The following HERC2 variants were observed in gnomAD, a reference collection of about 807,000 sequenced individuals.
The protein encoded by HERC2 is E3 ubiquitin-protein ligase HERC2.
A neutral mutation model predicts 537.7 loss-of-function variants in HERC2; 102 were observed. The observed-to-expected ratio is 0.19, with a 90% CI of 0.16 to 0.22. The LOEUF (loss-of-function observed/expected upper bound fraction) is 0.22, where lower values mean the gene tolerates loss of function less well. HERC2 is among the 10% of genes least tolerant of loss of function. The probability of loss-of-function intolerance (pLI) is 1.00; values close to 1 mark genes in which losing one functional copy is unlikely to be tolerated. For synonymous variants in HERC2, 2,224 were observed against 2,466.2 expected (o/e 0.90, Z 2.91); for missense variants, 4,236 against 6,198.2 (o/e 0.68, Z 10.63).
At position 28,147,051 on chromosome 15, in the gene HERC2, G is replaced by A. The variant is rs1459260806; in HGVS notation, c.10901-707C>T. Among the ~76,000 whole-genome samples the A allele has an allele frequency of 2.1e-5, 3 of 142,588 alleles. No individual in the cohort carries two copies. In the East Asian group the frequency reaches 5.9e-4, roughly 28 times the overall value. 93.5% of individuals were successfully genotyped at this position (142,588 alleles called of 152,430 possible). A position where few individuals can be genotyped will look rare whatever the true frequency, so the allele number is the denominator to read the frequency against. On this transcript the variant is annotated intron_variant, in intron 70 of 92. Transcript: ENST00000261609. ...GGGGGGCCGCAGGAGGTGGGGAGTGGAAGCAGGAACACAGGGAGGCAGCTA... is the reference window on the plus strand; with the variant it reads ...GGGGGGCCGCAGGAGGTGGGGAGTGAAAGCAGGAACACAGGGAGGCAGCTA...
chr15:28,174,676 T>C lies in HERC2; in HGVS notation c.9832-56A>G, dbSNP rs190352521. 53 of 1,248,484 alleles carry C rather than the reference T, an allele frequency of 4.2e-5. No homozygotes were observed. The African/African-American group carries it at 7.3e-4, about 17-fold the overall frequency. 77.3% of individuals were successfully genotyped at this position (1,248,484 alleles called of 1,614,324 possible). On this transcript the variant is annotated intron_variant, in intron 64 of 92. Coordinates refer to ENST00000261609, the MANE Select transcript of HERC2 (RefSeq NM_004667.6). ...TTTCAACATTTCAGGACATTTTCTT[T>C]AATGTAATTTTTACTTCAAAATGCT...
At chr15:28,306,730 T>C (rs1437883331) in intron 2 of HERC2, among the ~76,000 whole-genome samples, 3 of 152,246 alleles carry the variant, frequency 2.0e-5, no homozygotes, top group Non-Finnish European at 4.4e-5. Flanking sequence ...GACTTTTTAT[T>C]ATTACAGTTT....
chr15:28,292,733 T>A (rs906227406), intron 4 of HERC2, among the ~76,000 whole-genome samples, 155 bp downstream of exon 4: 14 of 152,166 alleles, frequency 9.2e-5, no homozygotes, highest in Admixed American at 3.3e-4. Context: ...GTTAAAACGG[T>A]AAGTTTTATG....
chr15:28,131,973 G>A (rs535106074), intron 81 of HERC2, 127 bp downstream of exon 81: 4 of 714,242 alleles, frequency 5.6e-6, no homozygotes, highest in East Asian at 2.9e-5. Flanking sequence ...GGAGGTTAAA[G>A]TGCTCCTAAG....
chr15:28,275,953 G>A (rs1170179664), intron 5 of HERC2, among the ~76,000 whole-genome samples: 6 of 151,830 alleles, frequency 4.0e-5, no homozygotes, highest in South Asian at 2.1e-4. Flanking sequence ...ATGATCAGGG[G>A]AAATCCTATA....
rs1040250227 is a variant in HERC2 at position 28,113,325 on chromosome 15, C to G, written c.14020-42G>C. 1 of 1,586,762 alleles carries G rather than the reference C, an allele frequency of 6.3e-7. No individual in the cohort carries two copies. The highest frequency in any genetic ancestry group is 8.6e-7 in the Non-Finnish European group (1 of 1,156,218). On this transcript the variant is annotated intron_variant, in intron 91 of 92. Transcript: ENST00000261609. This position sits in a 1 kb window ranked among gnomAD's most constrained non-coding sequence, Gnocchi z 7.0. Reference sequence around the variant, plus strand: ...GTCAGGGCCGCGTGATGCTTCCCACCCTGGCATTTCCGCAAGACTCCGTCA... The same window carrying G: ...GTCAGGGCCGCGTGATGCTTCCCACGCTGGCATTTCCGCAAGACTCCGTCA...
Position 28,177,513 on chromosome 15 carries a change from CA to C in HERC2, c.9164-5del. 2 of 1,614,032 alleles carry C rather than the reference CA, an allele frequency of 1.2e-6. No individual in the cohort carries two copies. The highest frequency in any genetic ancestry group is 1.7e-6 in the Non-Finnish European group (2 of 1,179,898). ...AAAGCCGTCGCGTGCCGGCCACCTGCAACATTCACAGACACACGGATTGCCA... is the reference window on the plus strand; with the variant it reads ...AAAGCCGTCGCGTGCCGGCCACCTGCACATTCACAGACACACGGATTGCCA... On this transcript the variant is annotated splice_polypyrimidine_tract_variant and splice_region_variant and intron_variant, in intron 59 of 92. Transcript: ENST00000261609. The surrounding 1 kb of genome is among the most constrained non-coding windows in gnomAD (Gnocchi z 5.0).
intron 26 of HERC2, among the ~76,000 whole-genome samples, chr15:28,236,446 A>C (rs1902467312): frequency 1.3e-5 from 2 of 151,574 alleles, no homozygotes; most frequent in Non-Finnish European, 2.9e-5. Context: ...ACCCGTCACC[A>C]CGCCCAGCTA....
chr15:28,283,807 T>C (rs1201025988), intron 4 of HERC2, among the ~76,000 whole-genome samples: 1 of 152,234 alleles, frequency 6.6e-6, no homozygotes, highest in Non-Finnish European at 1.5e-5. Flanking sequence ...GTAGTTTCTA[T>C]ATCCCTGAAG....
At position 28,294,544 on chromosome 15, in the gene HERC2, TC is replaced by T. The variant is rs2141157933; in HGVS notation, c.188-1523del. On this transcript the variant is annotated intron_variant, in intron 3 of 92. Coordinates refer to ENST00000261609, the MANE Select transcript of HERC2 (RefSeq NM_004667.6). Reference sequence around the variant, plus strand: ...CCTCAAATAGCCTAACCACAAGGTCTCCCCTGAGCTCTGCTCTCACGGATAA... The same window carrying T: ...CCTCAAATAGCCTAACCACAAGGTCTCCCTGAGCTCTGCTCTCACGGATAA... Among the ~76,000 whole-genome samples the T allele has an allele frequency of 2.0e-5, 3 of 149,674 alleles. No individual in the cohort carries two copies. The South Asian group carries it at 6.5e-4, about 32-fold the overall frequency.
At chr15:28,157,247 T>C (rs1893100971) in intron 69 of HERC2, among the ~76,000 whole-genome samples, 1 of 152,214 alleles carries the variant, frequency 6.6e-6, no homozygotes, top group African/African-American at 2.4e-5. Flanking sequence ...ATCAGGATGG[T>C]GCTGGCCTCA....
chr15:28,176,910 T>C lies in HERC2; in HGVS notation c.9432+40A>G. 1 of 1,596,948 alleles carries C rather than the reference T, an allele frequency of 6.3e-7. No individual in the cohort carries two copies. ...CTTATTTTCTCTTGACATCTTCAGA[T>C]GGTAAGCTTTCTGCAAGCAACAAAA... On this transcript the variant is annotated intron_variant, in intron 61 of 92. Transcript: ENST00000261609. The surrounding 1 kb of genome is among the most constrained non-coding windows in gnomAD (Gnocchi z 5.0).
At chr15:28,197,822 G>A (rs1223190749) in intron 50 of HERC2, among the ~76,000 whole-genome samples, 1 of 152,198 alleles carries the variant, frequency 6.6e-6, no homozygotes, top group Non-Finnish European at 1.5e-5. Flanking sequence ...GACAGGACAA[G>A]TTTACAGAAC....
chr15:28,124,362 T>C (rs1026527196), intron 84 of HERC2, 128 bp from the exon 85 acceptor site: 1 of 529,164 alleles, frequency 1.9e-6, no homozygotes, highest in Admixed American at 4.2e-5. Context: ...CTGAGTTTGG[T>C]TTGCACAACC....
intron 86 of HERC2, chr15:28,118,429 G>C (rs1888518085): frequency 6.6e-6 from 1 of 152,238 alleles, no homozygotes; most frequent in South Asian, 2.1e-4. Flanking sequence ...TAGAAACACA[G>C]ATGATTTTAA....
Position 28,122,346 on chromosome 15 carries a change from AAT to A in HERC2, c.13189-919_13189-918del, listed in dbSNP as rs1331365388. Among the ~76,000 whole-genome samples, 1 of 152,208 alleles carries A rather than the reference AAT, an allele frequency of 6.6e-6. No homozygotes were observed. The highest frequency in any genetic ancestry group is 1.9e-4 in the East Asian group (1 of 5,182). On this transcript the variant is annotated intron_variant, in intron 85 of 92. Coordinates refer to ENST00000261609, the MANE Select transcript of HERC2 (RefSeq NM_004667.6). The surrounding 1 kb of genome is among the most constrained non-coding windows in gnomAD (Gnocchi z 4.1). Reference sequence around the variant, plus strand: ...TCTCAGCTCTCTTGGCCAAGGAGGCAATCGTGCCTTCTTTCGGTTAGGGGTGG... The same window carrying A: ...TCTCAGCTCTCTTGGCCAAGGAGGCACGTGCCTTCTTTCGGTTAGGGGTGG...
At position 28,246,897 on chromosome 15, in the gene HERC2, C is replaced by T. The variant is rs578225791; in HGVS notation, c.3236G>A (p.Ser1079Asn). The T allele has an allele frequency of 6.3e-7, 1 of 1,594,472 alleles. No homozygotes were observed. The highest frequency in any genetic ancestry group is 1.4e-5 in the African/African-American group (1 of 73,746). Residue 1079 changes from serine to asparagine, a missense_variant and splice_region_variant, in exon 22 of 93, where the codon AGT (serine) becomes AAT (asparagine). Physicochemically the swap from Ser to Asn is conservative, Grantham distance 46. This residue lies in a region of HERC2 where 754 missense variants were observed against 1,085.0 expected (regional missense o/e 0.69). Transcript: ENST00000261609. ...GGAACCAACACCCATTAGCTCTGGACCTTGAAGAAGGATTGAGAAATTTTC... is the reference window on the plus strand; with the variant it reads ...GGAACCAACACCCATTAGCTCTGGATCTTGAAGAAGGATTGAGAAATTTTC... ...ESIGQTSDIS[S>N]PELMGVGSLL...
chr15:28,141,765 C>G lies in HERC2; in HGVS notation c.11782G>C (p.Glu3928Gln), dbSNP rs774785178. The G allele has an allele frequency of 6.2e-7, 1 of 1,614,182 alleles. No homozygotes were observed. The highest frequency in any genetic ancestry group is 8.5e-7 in the Non-Finnish European group (1 of 1,180,028). Reference protein sequence around the residue: ...LHESHDIFKREQDEQLVQWMN... With the variant: ...LHESHDIFKRQQDEQLVQWMN... ...CACTGCACAAGTTGTTCGTCTTGCT[C>G]TCTTTTAAAAATGTCATGGCTCTCA... The change falls in exon 77 of 93, where the codon GAG becomes CAG. Residue 3928 changes from glutamate (E) to glutamine (Q), a missense_variant. Transcript: ENST00000261609.
chr15:28,202,744 T>G, intron 45 of HERC2, 130 bp from the exon 46 acceptor site: 2 of 347,956 alleles, frequency 5.7e-6, no homozygotes, highest in Non-Finnish European at 9.5e-6. Context: ...CGCATTCACA[T>G]GTGTGTTTTT....
Sources: allele counts gnomAD v4.1 joint callset (sites outside exome capture counted in the v4.1 genomes callset), GRCh38; gene constraint gnomAD v4.1.1; regional missense constraint gnomAD v4.1.1; non-coding constraint Gnocchi (gnomAD v3.1); transcripts MANE v1.5; gene names NCBI Gene and HGNC (gene_info 2026-07-23, HGNC 2026-07-21).